Variants in RPH3A observed in about 807,000 individuals in gnomAD.
RPH3A encodes the protein rabphilin-3A.
Under a neutral mutation model 102.2 loss-of-function variants are expected in RPH3A, and 48 were observed. The observed-to-expected ratio is 0.47, with a 90% CI of 0.37 to 0.60. RPH3A has a LOEUF of 0.60. Ranked by LOEUF, RPH3A falls within the 20% of genes least tolerant of loss-of-function variation. The pLI is 0.00. For missense variants in RPH3A, 781 were observed against 910.1 expected, an observed-to-expected ratio of 0.86 and a Z score of 1.83; for synonymous variants, 310 against 324.3, an observed-to-expected ratio of 0.96 and a Z score of 0.47.
At position 112,861,424 on chromosome 12, in the gene RPH3A, T is replaced by C. The variant is rs527751901; in HGVS notation, c.231-3990T>C. Among the ~76,000 whole-genome samples, 4 of 152,234 alleles carry C rather than the reference T, an allele frequency of 2.6e-5. No homozygotes were observed. In the South Asian group the frequency reaches 8.3e-4, roughly 32 times the overall value. On this transcript the variant is annotated intron_variant, in intron 5 of 21. Coordinates refer to ENST00000389385, the MANE Select transcript of RPH3A (RefSeq NM_001143854.2). The stretch of plus-strand genomic sequence containing the variant: ...ATATGTGCAGCTTGGTGCTTGCTAA[T>C]GATTCAAGGGCCCTTGGTGAGGGAA...
chr12:112,773,868 C>T (rs2040945041), intron 1 of RPH3A, among the ~76,000 whole-genome samples: 1 of 151,886 alleles, frequency 6.6e-6, no homozygotes, highest in Non-Finnish European at 1.5e-5. Context: ...ATCACCTGAG[C>T]TCAGGAGTTC....
chr12:112,595,706 T>A (rs1199704935), intron 1 of RPH3A, among the ~76,000 whole-genome samples: 2 of 152,174 alleles, frequency 1.3e-5, no homozygotes, highest in Non-Finnish European at 2.9e-5. Context: ...TCCCTGCTCT[T>A]CTCAGAAAGA....
At chr12:112,801,219 G>A (rs1403881055) in intron 2 of RPH3A, among the ~76,000 whole-genome samples, 6 of 152,070 alleles carry the variant, frequency 3.9e-5, no homozygotes, top group African/African-American at 1.4e-4. Context: ...AGCTAGCTAG[G>A]CCCATTCAAA....
intron 1 of RPH3A, among the ~76,000 whole-genome samples, chr12:112,672,845 A>G (rs760452563): frequency 6.6e-6 from 1 of 152,170 alleles, no homozygotes; most frequent in Non-Finnish European, 1.5e-5. Flanking sequence ...CTCCCAGCGC[A>G]GGTGCATGGT....
intron 15 of RPH3A, among the ~76,000 whole-genome samples, chr12:112,882,687 C>T (rs2042935189): frequency 6.6e-6 from 1 of 152,216 alleles, no homozygotes; most frequent in Non-Finnish European, 1.5e-5. Context: ...CCCTGCTCCT[C>T]CTCACTCCCC....
chr12:112,701,210 C>T (rs1241992624), intron 1 of RPH3A, among the ~76,000 whole-genome samples: 4 of 151,892 alleles, frequency 2.6e-5, no homozygotes, highest in South Asian at 2.1e-4. Context: ...GAGATGGAGT[C>T]GAGAGTATAG....
chr12:112,575,237 G>C (rs1337659537), exon 1 of RPH3A: 1 of 152,530 alleles, frequency 6.6e-6, no homozygotes, highest in Non-Finnish European at 1.5e-5. Context: ...CGCGCGGGTG[G>C]CTTTGCCGCG....
At chr12:112,722,460 A>C (rs2040558032) in intron 1 of RPH3A, among the ~76,000 whole-genome samples, 1 of 152,234 alleles carries the variant, frequency 6.6e-6, no homozygotes, top group Non-Finnish European at 1.5e-5. Context: ...ATACTCTACT[A>C]GTTGCCTAAA....
intron 1 of RPH3A, among the ~76,000 whole-genome samples, chr12:112,781,216 AAC>A (rs2041005158): frequency 6.6e-6 from 1 of 151,332 alleles, no homozygotes; most frequent in Non-Finnish European, 1.5e-5. Context: ...ACAACAACAA[AAC>A]AAAAAAAAAT....
chr12:112,579,985 CATT>C (rs1335467170), intron 1 of RPH3A, among the ~76,000 whole-genome samples: 1 of 152,166 alleles, frequency 6.6e-6, no homozygotes, highest in Non-Finnish European at 1.5e-5. Flanking sequence ...CTCACTGACT[CATT>C]AATTAGCTGA....
At chr12:112,639,058 G>T (rs1442856671) in intron 1 of RPH3A, among the ~76,000 whole-genome samples, 1 of 152,144 alleles carries the variant, frequency 6.6e-6, no homozygotes, top group Non-Finnish European at 1.5e-5. Context: ...ATAGTTGTGT[G>T]TATTTGGGCA....
chr12:112,695,533 C>T (rs2040343977), intron 1 of RPH3A, among the ~76,000 whole-genome samples: 1 of 152,222 alleles, frequency 6.6e-6, no homozygotes, highest in South Asian at 2.1e-4. Flanking sequence ...ACAAATGGAT[C>T]TTAAGCCAAG....
chr12:112,629,529 C>T (rs1329033547), intron 1 of RPH3A, among the ~76,000 whole-genome samples: 1 of 140,750 alleles, frequency 7.1e-6, no homozygotes, highest in African/African-American at 2.7e-5. Flanking sequence ...AGTGCGGTGG[C>T]ACAATCACAG....
At chr12:112,723,834 T>C (rs1324371444) in intron 1 of RPH3A, among the ~76,000 whole-genome samples, 1 of 152,220 alleles carries the variant, frequency 6.6e-6, no homozygotes, top group Non-Finnish European at 1.5e-5. Flanking sequence ...ACAGTTAATG[T>C]TATGCAGTTA....
At chr12:112,771,916 T>A (rs1042067857) in intron 1 of RPH3A, among the ~76,000 whole-genome samples, 2 of 152,168 alleles carry the variant, frequency 1.3e-5, no homozygotes, top group Non-Finnish European at 1.5e-5. Flanking sequence ...CAAGTGTAGT[T>A]TTGTGAAACT....
At chr12:112,835,328 A>G (rs1016478493) in intron 3 of RPH3A, among the ~76,000 whole-genome samples, 1 of 152,226 alleles carries the variant, frequency 6.6e-6, no homozygotes, top group Admixed American at 6.5e-5. Flanking sequence ...TGTAAGATAA[A>G]CAGTTGCCTG....
At chr12:112,675,357 C>T (rs75580210) in intron 1 of RPH3A, among the ~76,000 whole-genome samples, 3,280 of 152,182 alleles carry the variant, frequency 0.022, 108 homozygotes, top group African/African-American at 0.073. Context: ...AAGGTATTTG[C>T]GGTGACTGTA....
At chr12:112,755,302 C>T (rs1342985839) in intron 1 of RPH3A, among the ~76,000 whole-genome samples, 63 of 21,530 alleles carry the variant, frequency 2.9e-3, no homozygotes, top group Middle Eastern at 0.014. Flanking sequence ...TGTATATACA[C>T]ACACACACAC....
intron 1 of RPH3A, among the ~76,000 whole-genome samples, chr12:112,773,444 G>T (rs949516675): frequency 6.7e-6 from 1 of 150,178 alleles, no homozygotes; most frequent in Admixed American, 6.6e-5. Context: ...GAATTTATTT[G>T]TTTTTTTTTC....
Sources: gnomAD v4.1 joint callset for allele counts (sites outside exome capture counted in the v4.1 genomes callset) on GRCh38, gnomAD v4.1.1 for gene constraint, MANE v1.5 for transcripts, NCBI Gene and HGNC (gene_info 2026-07-23, HGNC 2026-07-21) for gene names.